Variants in PCDHGB1 observed in about 807,000 individuals in gnomAD.
The protein encoded by PCDHGB1 is protocadherin gamma-B1.
A neutral mutation model predicts 56.6 loss-of-function variants in PCDHGB1; 34 were observed. The ratio of observed to expected loss-of-function variants is 0.60; its 90% CI spans 0.46 to 0.80. The LOEUF (loss-of-function observed/expected upper bound fraction) is 0.80, where lower values mean the gene tolerates loss of function less well. Ranked by LOEUF, PCDHGB1 falls within the 30% of genes least tolerant of loss-of-function variation. The pLI is 0.00. For synonymous variants in PCDHGB1, 561 were observed against 505.9 expected, an observed-to-expected ratio of 1.11 and a Z score of -1.46; for missense variants, 1,278 against 1,204.6, an observed-to-expected ratio of 1.06 and a Z score of -0.90.
chr5:141,356,812 G>A (rs1236993988), intron 1 of PCDHGB1: 1 of 1,614,068 alleles, frequency 6.2e-7, no homozygotes, highest in Non-Finnish European at 8.5e-7. Context: ...CAGTGACAGT[G>A]GAGACCCTCC....
At chr5:141,441,871 G>A (rs1020432020) in intron 1 of PCDHGB1, 3 of 340,480 alleles carry the variant, frequency 8.8e-6, no homozygotes, top group Admixed American at 8.1e-5. Context: ...CGCGGAGCCT[G>A]GCTACCTGGT....
rs751560177 is a variant in PCDHGB1 at position 141,432,962 on chromosome 5, G to T, written c.2410-61845G>T. 7 of 1,614,092 alleles carry T rather than the reference G, an allele frequency of 4.3e-6. No individual in the cohort carries two copies. The highest frequency in any genetic ancestry group is 5.9e-6 in the Non-Finnish European group (7 of 1,180,046). Reference sequence around the variant, plus strand: ...GGCTTCAGGAGGCGGCTTGACAGGAGCGCCGGCGTCGCACTTTGTGGGCGT... The same window carrying T: ...GGCTTCAGGAGGCGGCTTGACAGGATCGCCGGCGTCGCACTTTGTGGGCGT... On this transcript the variant is annotated intron_variant, in intron 1 of 3. Transcript: ENST00000523390. The surrounding 1 kb of genome is among the most constrained non-coding windows in gnomAD (Gnocchi z 6.0).
At chr5:141,418,877 G>T in intron 1 of PCDHGB1, 1 of 1,613,960 alleles carries the variant, frequency 6.2e-7, no homozygotes, top group Non-Finnish European at 8.5e-7. Context: ...AGTTGTAGAC[G>T]AAAACGACAA....
chr5:141,495,107 A>G (rs559621284), intron 2 of PCDHGB1, among the ~76,000 whole-genome samples: 1 of 152,166 alleles, frequency 6.6e-6, no homozygotes, highest in East Asian at 1.9e-4. Flanking sequence ...CACGACCGGC[A>G]CCTTTTCCTA....
chr5:141,415,772 T>TC, intron 1 of PCDHGB1: 1 of 1,332,986 alleles, frequency 7.5e-7, no homozygotes. Context: ...TTTTTTTTTT[T>TC]ACTTTCTGGT....
intron 1 of PCDHGB1, chr5:141,405,487 T>G (rs750718741): frequency 4.3e-6 from 4 of 924,990 alleles, no homozygotes; most frequent in Non-Finnish European, 6.4e-6. Context: ...TGGTGTGATC[T>G]CGGCTCATTG....
chr5:141,433,595 G>C (rs2097629585), intron 1 of PCDHGB1, among the ~76,000 whole-genome samples: 1 of 152,070 alleles, frequency 6.6e-6, no homozygotes, highest in South Asian at 2.1e-4. Context: ...CAGTACTTTG[G>C]GAGGCCGAGG....
Position 141,487,535 on chromosome 5 carries a change from G to A in PCDHGB1, c.2410-7272G>A. 6.2e-7 allele frequency: 1 copy of A among 1,614,154 alleles called. No individual in the cohort carries two copies. Among genetic ancestry groups the A allele is most frequent in the South Asian group, 1.1e-5 (1 of 91,084 alleles). ...CACTCGGAGTGATAGCTTCATGATG[G>A]TGAAGTCACCCAGTGCACCTATGGC... On this transcript the variant is annotated intron_variant, in intron 1 of 3. Transcript: ENST00000523390. This position sits in a 1 kb window ranked among gnomAD's most constrained non-coding sequence, Gnocchi z 5.0.
intron 1 of PCDHGB1, chr5:141,361,702 G>A (rs999064726): frequency 1.2e-6 from 2 of 1,613,332 alleles, no homozygotes; most frequent in African/African-American, 1.3e-5. Flanking sequence ...CTTCGATCAT[G>A]AGCAGCTGCG....
chr5:141,483,764 A>G (rs1170910094), intron 1 of PCDHGB1, among the ~76,000 whole-genome samples: 1 of 152,104 alleles, frequency 6.6e-6, no homozygotes, highest in East Asian at 1.9e-4. Context: ...AGGCTTGGAA[A>G]AATATTGGGG....
rs375436846 is a variant in PCDHGB1, at chr5:141,399,581, A to T, written c.2409+46912A>T. ...TTGGGGTTGAACGGCCAAGTCTCCT[A>T]CTCTATCATGGCCAGCGACCTAGAG... is the stretch of plus-strand genomic sequence containing the variant. On this transcript the variant is annotated intron_variant, in intron 1 of 3. Coordinates refer to ENST00000523390, the MANE Select transcript of PCDHGB1 (RefSeq NM_018922.3). 9.9e-6 allele frequency: 16 copies of T among 1,613,788 alleles called. No homozygotes were observed. The African/African-American group carries it at 1.9e-4, about 19-fold the overall frequency.
rs776335336 is a variant in PCDHGB1 at position 141,403,470 on chromosome 5, G to A, written c.2409+50801G>A. The A allele has an allele frequency of 3.7e-5, 59 of 1,613,910 alleles. No homozygotes were observed. Among genetic ancestry groups the A allele is most frequent in the Non-Finnish European group, 4.8e-5 (57 of 1,179,918 alleles). ...AACTCCCTCCAGAGCTACCAGCTCAGCCCCAATCACCACTTCTCCCTGAAC... is the reference window on the plus strand; with the variant it reads ...AACTCCCTCCAGAGCTACCAGCTCAACCCCAATCACCACTTCTCCCTGAAC... On this transcript the variant is annotated intron_variant, in intron 1 of 3. Coordinates refer to ENST00000523390, the MANE Select transcript of PCDHGB1 (RefSeq NM_018922.3).
chr5:141,438,789 G>C (rs970735448), intron 1 of PCDHGB1, among the ~76,000 whole-genome samples: 23 of 149,578 alleles, frequency 1.5e-4, no homozygotes, highest in African/African-American at 5.4e-4. Flanking sequence ...AGCCTCTCCA[G>C]TAGCTGGGAT....
chr5:141,439,117 C>T (rs1219829519), intron 1 of PCDHGB1, among the ~76,000 whole-genome samples: 6 of 150,696 alleles, frequency 4.0e-5, no homozygotes, highest in African/African-American at 7.3e-5. Context: ...CACTTGAACC[C>T]GGGAGACAGA....
intron 1 of PCDHGB1, chr5:141,393,690 C>A (rs779487285): frequency 6.2e-7 from 1 of 1,613,752 alleles, no homozygotes; most frequent in African/African-American, 1.3e-5. Flanking sequence ...TCCGTTATTC[C>A]AGCTTAATGA....
intron 1 of PCDHGB1, chr5:141,422,206 G>A (rs1269700250): frequency 6.4e-7 from 1 of 1,562,324 alleles, no homozygotes; most frequent in Non-Finnish European, 8.6e-7. Flanking sequence ...AGATGGTGGA[G>A]GTCTCTTTAC....
intron 1 of PCDHGB1, chr5:141,362,041 G>T (rs767982105): frequency 2.5e-6 from 4 of 1,610,230 alleles, no homozygotes; most frequent in Admixed American, 1.7e-5. Context: ...GGGCGACAGG[G>T]ACGCGGCCCG....
chr5:141,487,123 T>C lies in PCDHGB1; in HGVS notation c.2410-7684T>C. 6.2e-7 allele frequency: 1 copy of C among 1,614,086 alleles called. No homozygotes were observed. The highest frequency in any genetic ancestry group is 1.1e-5 in the South Asian group (1 of 91,082). On this transcript the variant is annotated intron_variant, in intron 1 of 3. Coordinates refer to ENST00000523390, the MANE Select transcript of PCDHGB1 (RefSeq NM_018922.3). The surrounding 1 kb of genome is among the most constrained non-coding windows in gnomAD (Gnocchi z 5.0). ...AGCTGGTCATTGTGGTAAAGGATAG[T>C]GGTAGTCCACCACTCTCTACCTCTG...
At chr5:141,462,116 C>T (rs535029363) in intron 1 of PCDHGB1, among the ~76,000 whole-genome samples, 3 of 152,152 alleles carry the variant, frequency 2.0e-5, no homozygotes, top group Admixed American at 1.3e-4. Context: ...AGCCACTGCA[C>T]CCAGTCCAAT....
Sources: gnomAD v4.1 joint callset for allele counts (sites outside exome capture counted in the v4.1 genomes callset) on GRCh38, gnomAD v4.1.1 for gene constraint, Gnocchi (gnomAD v3.1) non-coding constraint, MANE v1.5 for transcripts, NCBI Gene and HGNC (gene_info 2026-07-23, HGNC 2026-07-21) for gene names.